The following IQGAP3 variants were observed in gnomAD, a reference collection of about 807,000 sequenced individuals.
The protein encoded by IQGAP3 is IQ motif containing GTPase activating protein 3, also known as ras GTPase-activating-like protein IQGAP3.
A neutral mutation model predicts 208.2 loss-of-function variants in IQGAP3; 165 were observed. The observed-to-expected ratio is 0.79, with a 90% CI of 0.70 to 0.90. IQGAP3 has a LOEUF of 0.90. IQGAP3 is among the 40% of genes least tolerant of loss of function. The pLI is 0.00. For synonymous variants in IQGAP3, 703 were observed against 803.6 expected, an observed-to-expected ratio of 0.87 and a Z score of 2.12; for missense variants, 1,811 against 2,043.1, an observed-to-expected ratio of 0.89 and a Z score of 2.19.
chr1:156,542,627 A>G (rs1675040256), intron 22 of IQGAP3, among the ~76,000 whole-genome samples: 1 of 152,228 alleles, frequency 6.6e-6, no homozygotes, highest in Non-Finnish European at 1.5e-5. Context: ...CAGTTTATAA[A>G]GGAGAAAAGT....
In IQGAP3 at chr1:156,534,012, G is replaced by A. The variant is rs745808997; in HGVS notation, c.3870C>T (p.His1290=). Residue 1290 remains histidine, a synonymous_variant, in exon 30 of 38, where the codon CAC becomes CAT. Coordinates refer to ENST00000361170, the MANE Select transcript of IQGAP3 (RefSeq NM_178229.5). ...CCTCCAGATCTCAGCCCCTCACCCT[G>A]TGCGTGTTGACCAGCTCCCCCACGG... is the stretch of plus-strand genomic sequence containing the variant. ...YITVGELVNT[H]RLLLEHQDCI... is the part of the protein sequence containing the mutation. 1 of 1,613,548 alleles carries A rather than the reference G, an allele frequency of 6.2e-7. No individual in the cohort carries two copies. The highest frequency in any genetic ancestry group is 1.3e-5 in the African/African-American group (1 of 74,922).
At chr1:156,537,564 C>T (rs1036207441) in intron 26 of IQGAP3, among the ~76,000 whole-genome samples, 3 of 152,092 alleles carry the variant, frequency 2.0e-5, no homozygotes, top group East Asian at 1.9e-4. Context: ...GAACAGAGAA[C>T]GTGGAATCTA....
intron 23 of IQGAP3, 87 bp from the exon 24 acceptor site, chr1:156,540,077 G>A: frequency 6.8e-7 from 1 of 1,477,406 alleles, no homozygotes; most frequent in East Asian, 2.3e-5. Flanking sequence ...GCCTTGAAGA[G>A]CCAGGGCTTT....
rs1452846769 is a variant in IQGAP3 at position 156,562,734 on chromosome 1, C to T, written c.799-69G>A. 15 of 1,304,006 alleles carry T rather than the reference C, an allele frequency of 1.2e-5. No individual in the cohort carries two copies. The Admixed American group carries it at 2.0e-4, about 18-fold the overall frequency. The allele number at this position is 1,304,006 out of a possible 1,614,324, so 80.8% of individuals were successfully genotyped here. ...ATCTCCTTGTCCTGCTCTTCCCTGC[C>T]TGGCTACACTTATTTCTTCTTCTGG... On this transcript the variant is annotated intron_variant, in intron 8 of 37. Transcript: ENST00000361170.
Position 156,526,566 on chromosome 1 carries a change from C to T in IQGAP3, c.4816G>A (p.Val1606Ile). 1 of 1,614,090 alleles carries T rather than the reference C, an allele frequency of 6.2e-7. No homozygotes were observed. The highest frequency in any genetic ancestry group is 8.5e-7 in the Non-Finnish European group (1 of 1,179,928). The change falls in exon 38 of 38, where the codon GTC (valine) becomes ATC (isoleucine). Residue 1606 changes from valine to isoleucine, a missense_variant. Val to Ile is a conservative substitution (Grantham distance 29). Transcript: ENST00000361170. ...LLQLQYEGVA[V>I]MKLFNKAKVN... Reference sequence around the variant, plus strand: ...TTGGCCTTGTTGAAGAGTTTCATGACAGCCACACCCTCATACTGGAGCTGC... The same window carrying T: ...TTGGCCTTGTTGAAGAGTTTCATGATAGCCACACCCTCATACTGGAGCTGC...
intron 36 of IQGAP3, 39 bp downstream of exon 36, chr1:156,528,470 C>T (rs753369243): frequency 6.7e-7 from 1 of 1,490,948 alleles, no homozygotes; most frequent in Non-Finnish European, 9.3e-7. Flanking sequence ...GGTTAGAGGA[C>T]AGGAAGGGGC....
intron 1 of IQGAP3, among the ~76,000 whole-genome samples, chr1:156,572,093 A>G (rs768394988): frequency 1.3e-5 from 2 of 152,170 alleles, no homozygotes; most frequent in Non-Finnish European, 2.9e-5. Context: ...CATTGTCTGA[A>G]AGCGGCATCT....
intron 33 of IQGAP3, 64 bp downstream of exon 33, chr1:156,531,095 CG>C: frequency 9.1e-7 from 1 of 1,103,758 alleles, no homozygotes; most frequent in East Asian, 2.4e-5. Flanking sequence ...GAAACAGCAG[CG>C]GTGCAGGTGG....
chr1:156,562,538 G>A (rs1245930974), intron 9 of IQGAP3, 49 bp downstream of exon 9: 1 of 1,464,246 alleles, frequency 6.8e-7, no homozygotes, highest in South Asian at 1.1e-5. Context: ...CCAGTGCAGG[G>A]GCTTACCCTG....
intron 22 of IQGAP3, among the ~76,000 whole-genome samples, chr1:156,543,051 G>T (rs889594978): frequency 5.9e-5 from 9 of 152,134 alleles, no homozygotes; most frequent in Non-Finnish European, 8.8e-5. Context: ...CTGGGGGCCA[G>T]TGAAGTCAGG....
chr1:156,527,117 C>G (rs932018327), intron 37 of IQGAP3, among the ~76,000 whole-genome samples: 10 of 151,898 alleles, frequency 6.6e-5, no homozygotes, highest in East Asian at 1.9e-4. Flanking sequence ...AGGCGTGAGC[C>G]ACTGCACCCG....
At chr1:156,570,416 C>T (rs1372214846) in intron 1 of IQGAP3, among the ~76,000 whole-genome samples, 2 of 152,182 alleles carry the variant, frequency 1.3e-5, no homozygotes, top group African/African-American at 4.8e-5. Context: ...TGGTGCAAAC[C>T]TGTACTCCCA....
intron 15 of IQGAP3, 99 bp from the exon 16 acceptor site, chr1:156,550,450 T>C: frequency 2.5e-6 from 2 of 803,982 alleles, no homozygotes; most frequent in Non-Finnish European, 4.2e-6. Flanking sequence ...AGGCAGGCAT[T>C]GGGAGCCACA....
At position 156,527,984 on chromosome 1, in the gene IQGAP3, C is replaced by T. The variant is rs1557913506; in HGVS notation, c.4750G>A (p.Val1584Met). ...TGAAGCTGAAATCGCTCCATGTCCA[C>T]ACCCAGGAACTTGGCATTTACTTCA... ...KFEVNAKFLG[V>M]DMERFQLHYQ... Residue 1584 changes from valine (V) to methionine (M), a missense_variant, in exon 37 of 38, where the codon GTG becomes ATG. Coordinates refer to ENST00000361170, the MANE Select transcript of IQGAP3 (RefSeq NM_178229.5). The T allele has an allele frequency of 3.1e-6, 5 of 1,613,984 alleles. No homozygotes were observed. Among genetic ancestry groups the T allele is most frequent in the Admixed American group, 1.7e-5 (1 of 60,020 alleles).
chr1:156,532,228 A>G (rs1206572421), intron 32 of IQGAP3, among the ~76,000 whole-genome samples: 3 of 151,992 alleles, frequency 2.0e-5, no homozygotes, highest in Non-Finnish European at 4.4e-5. Context: ...CTCTACTAAA[A>G]ATACAAAAAT....
chr1:156,527,867 T>A, intron 37 of IQGAP3, 85 bp downstream of exon 37: 1 of 870,978 alleles, frequency 1.1e-6, no homozygotes, highest in Non-Finnish European at 1.9e-6. Context: ...ATCTGAGGAC[T>A]AGGAAAGTGA....
chr1:156,556,457 G>A (rs1033995827), intron 12 of IQGAP3, 76 bp downstream of exon 12: 10 of 1,445,586 alleles, frequency 6.9e-6, no homozygotes, highest in African/African-American at 4.2e-5. Context: ...TCACAAGAGG[G>A]TGGCCTGGGC....
At chr1:156,535,114 G>T in intron 28 of IQGAP3, 49 bp downstream of exon 28, 1 of 1,372,166 alleles carries the variant, frequency 7.3e-7, no homozygotes, top group Non-Finnish European at 1.0e-6. Flanking sequence ...GCAGGTACCA[G>T]CAAAGCAAAG....
chr1:156,531,135 C>G, intron 33 of IQGAP3, 25 bp downstream of exon 33: 1 of 1,549,694 alleles, frequency 6.5e-7, no homozygotes, highest in Non-Finnish European at 8.9e-7. Flanking sequence ...TGAGACAGAA[C>G]CTGTGGGCCA....
Sources: allele counts gnomAD v4.1 joint callset (sites outside exome capture counted in the v4.1 genomes callset), GRCh38; gene constraint gnomAD v4.1.1; transcripts MANE v1.5; gene names NCBI Gene and HGNC (gene_info 2026-07-23, HGNC 2026-07-21).